The following GRIA3 variants were observed in gnomAD, a reference collection of about 807,000 sequenced individuals.
The protein encoded by GRIA3 is glutamate receptor 3.
In GRIA3, 3 loss-of-function variants were observed where a neutral mutation model predicts 63.0. The ratio of observed to expected loss-of-function variants is 0.05; its 90% CI spans 0.02 to 0.12. The LOEUF is 0.12. GRIA3 is among the 10% of genes least tolerant of loss of function. The probability of loss-of-function intolerance (pLI) is 1.00; values close to 1 mark genes in which losing one functional copy is unlikely to be tolerated. For synonymous variants in GRIA3, 274 were observed against 257.9 expected (o/e 1.06, Z -0.60); for missense variants, 347 against 700.9 (o/e 0.50, Z 5.70).
chrX:123,280,902 G>A (rs183379086), intron 3 of GRIA3, among the ~76,000 whole-genome samples: 1 of 111,279 alleles, frequency 9.0e-6, no homozygotes, highest in African/African-American at 3.3e-5. Context: ...TTTCACACCT[G>A]GATTCACTTG....
intron 15 of GRIA3, among the ~76,000 whole-genome samples, chrX:123,487,338 A>T (rs1023941814): frequency 2.7e-5 from 3 of 112,618 alleles, no homozygotes; most frequent in Non-Finnish European, 5.6e-5. Context: ...AACATGCCTG[A>T]AGTTAGGGGA....
intron 12 of GRIA3, among the ~76,000 whole-genome samples, chrX:123,444,676 C>T (rs1480660126): frequency 9.0e-6 from 1 of 110,784 alleles, no homozygotes; most frequent in Admixed American, 9.6e-5. Flanking sequence ...AGTATCTTTA[C>T]CAGCGAGAGT....
At chrX:123,479,090 G>T (rs927757127) in intron 13 of GRIA3, among the ~76,000 whole-genome samples, 2 of 113,060 alleles carry the variant, frequency 1.8e-5, no homozygotes, top group Non-Finnish European at 3.7e-5. Flanking sequence ...AGCAGTGAAG[G>T]ACTAAGGAGC....
chrX:123,260,414 C>A (rs112707106), intron 3 of GRIA3, among the ~76,000 whole-genome samples: 181 of 5,529 alleles, frequency 0.033, 24 homozygotes, highest in African/African-American at 0.082. Context: ...GACAGACAGA[C>A]AGACAGACAG....
Position 123,302,271 on chromosome X carries a change from C to G in GRIA3, c.509-23755C>G, listed in dbSNP as rs745352418. On this transcript the variant is annotated intron_variant, in intron 3 of 15. Coordinates refer to ENST00000620443, the MANE Select transcript of GRIA3 (RefSeq NM_007325.5). ...TGTGTCAAAATCTTGGCTAAGATCT[C>G]TTCTGTATGACCTTGAGTCAGTCAG... Among the ~76,000 whole-genome samples, 5 of 111,974 alleles carry G rather than the reference C, an allele frequency of 4.5e-5. No homozygotes were observed. In the South Asian group the frequency reaches 1.9e-3, roughly 41 times the overall value.
chrX:123,266,853 C>T (rs1165274907), intron 3 of GRIA3, among the ~76,000 whole-genome samples: 1 of 109,869 alleles, frequency 9.1e-6, no homozygotes, highest in African/African-American at 3.3e-5. Context: ...CTTTTTTTAG[C>T]ACTCAGCCCC....
At chrX:123,186,607 A>G (rs558239412) in intron 2 of GRIA3, among the ~76,000 whole-genome samples, 1 of 111,804 alleles carries the variant, frequency 8.9e-6, no homozygotes, top group African/African-American at 3.3e-5. Flanking sequence ...ATAGGAACTC[A>G]TAAGACTACA....
chrX:123,256,617 G>T (rs1422147527), intron 3 of GRIA3, among the ~76,000 whole-genome samples: 3 of 112,260 alleles, frequency 2.7e-5, no homozygotes, highest in Non-Finnish European at 5.6e-5. Flanking sequence ...AAAGTGGCCT[G>T]AGAGCAGACT....
Position 123,354,955 on chromosome X carries a change from G to A in GRIA3, c.742G>A (p.Ala248Thr), listed in dbSNP as rs1183014762. ...KHSRGYHYMLANLGFTDILLE... is the reference protein window; with the variant it reads ...KHSRGYHYMLTNLGFTDILLE... ...CTCAAGAGGTTATCACTACATGCTCGCTAACCTGGTAAGAACAAGCAAGTG... is the reference window on the plus strand; with the variant it reads ...CTCAAGAGGTTATCACTACATGCTCACTAACCTGGTAAGAACAAGCAAGTG... Residue 248 changes from alanine to threonine, a missense_variant, in exon 5 of 16, where the codon GCT becomes ACT. Physicochemically the swap from Ala to Thr is moderately conservative, Grantham distance 58. Transcript: ENST00000620443. 7 of 1,184,981 alleles carry A rather than the reference G, an allele frequency of 5.9e-6. No homozygotes were observed. The highest frequency in any genetic ancestry group is 1.8e-5 in the African/African-American group (1 of 56,619).
intron 2 of GRIA3, among the ~76,000 whole-genome samples, chrX:123,197,508 G>A (rs1927607362): frequency 8.9e-6 from 1 of 111,907 alleles, no homozygotes. Context: ...CTGGGACAGA[G>A]TGAGACTCCA....
intron 3 of GRIA3, among the ~76,000 whole-genome samples, chrX:123,286,836 C>T (rs2044623100): frequency 8.9e-6 from 1 of 111,839 alleles, no homozygotes; most frequent in African/African-American, 3.3e-5. Context: ...ACCAGAGATA[C>T]AAAGAGGAGC....
chrX:123,362,287 G>A (rs750227456), intron 5 of GRIA3, among the ~76,000 whole-genome samples: 13 of 111,844 alleles, frequency 1.2e-4, no homozygotes, highest in African/African-American at 2.0e-4. Context: ...ACAGGTGCTG[G>A]GACAATGAAT....
chrX:123,319,246 G>A (rs1334167338), intron 3 of GRIA3, among the ~76,000 whole-genome samples: 4 of 111,665 alleles, frequency 3.6e-5, no homozygotes, highest in Non-Finnish European at 3.8e-5. Flanking sequence ...TTGTATCCTA[G>A]GAGCAATACG....
chrX:123,402,708 T>C (rs1413550277), intron 7 of GRIA3, among the ~76,000 whole-genome samples: 1 of 111,138 alleles, frequency 9.0e-6, no homozygotes, highest in African/African-American at 3.3e-5. Context: ...AGGAAGGGGC[T>C]AGTGGAAATT....
intron 10 of GRIA3, among the ~76,000 whole-genome samples, chrX:123,415,600 T>C (rs2045532471): frequency 9.0e-6 from 1 of 111,491 alleles, no homozygotes; most frequent in African/African-American, 3.3e-5. Context: ...GAAATAAGCA[T>C]CATCCACAGA....
At chrX:123,204,100 T>C (rs1047589673) in intron 2 of GRIA3, among the ~76,000 whole-genome samples, 4 of 112,367 alleles carry the variant, frequency 3.6e-5, no homozygotes, top group African/African-American at 1.3e-4. Context: ...GCAAATTATT[T>C]GGAGTCTCAG....
chrX:123,306,916 G>A (rs1388962211), intron 3 of GRIA3, among the ~76,000 whole-genome samples: 2 of 111,907 alleles, frequency 1.8e-5, no homozygotes, highest in African/African-American at 6.5e-5. Context: ...GAGAATTGGG[G>A]AAGATGCTTT....
chrX:123,382,633 T>A (rs749610322), intron 5 of GRIA3, among the ~76,000 whole-genome samples: 1 of 109,861 alleles, frequency 9.1e-6, no homozygotes, highest in East Asian at 2.9e-4. Flanking sequence ...GAGCAAGGGG[T>A]GGTAATTTTT....
At chrX:123,477,966 C>T (rs1432252706) in intron 13 of GRIA3, among the ~76,000 whole-genome samples, 1 of 111,585 alleles carries the variant, frequency 9.0e-6, no homozygotes, top group Non-Finnish European at 1.9e-5. Flanking sequence ...AGAGGAAGCA[C>T]AGAAAGGAGG....
Sources: allele counts gnomAD v4.1 joint callset (sites outside exome capture counted in the v4.1 genomes callset), GRCh38; gene constraint gnomAD v4.1.1; transcripts MANE v1.5; gene names NCBI Gene and HGNC (gene_info 2026-07-23, HGNC 2026-07-21).